HS3ST5: variants seen among roughly 807,000 people sequenced by gnomAD.
HS3ST5 encodes the protein heparan sulfate-glucosamine 3-sulfotransferase 5.
A neutral mutation model predicts 25.4 loss-of-function variants in HS3ST5; 10 were observed. That is an observed-to-expected ratio of 0.39 (90% CI 0.24 to 0.67). The LOEUF is 0.67. Ranked by LOEUF, HS3ST5 falls within the 30% of genes least tolerant of loss-of-function variation. The probability of loss-of-function intolerance (pLI) is 0.44; values close to 1 mark genes in which losing one functional copy is unlikely to be tolerated. For synonymous variants in HS3ST5, 170 were observed against 162.4 expected (o/e 1.05, Z -0.36); for missense variants, 324 against 420.7 (o/e 0.77, Z 2.01).
intron 2 of HS3ST5, among the ~76,000 whole-genome samples, chr6:114,171,482 A>G (rs1330442908): frequency 2.0e-5 from 3 of 152,248 alleles, no homozygotes; most frequent in Non-Finnish European, 4.4e-5. Flanking sequence ...ATGTCCTACA[A>G]TCCTTAGTGT....
At chr6:114,205,512 T>C (rs1781234605) in intron 2 of HS3ST5, among the ~76,000 whole-genome samples, 1 of 152,174 alleles carries the variant, frequency 6.6e-6, no homozygotes, top group South Asian at 2.1e-4. Flanking sequence ...TCTTGAAGTC[T>C]CAAAGTTTTT....
intron 3 of HS3ST5, among the ~76,000 whole-genome samples, chr6:114,080,273 A>T (rs1418784932): frequency 6.6e-6 from 1 of 152,194 alleles, no homozygotes; most frequent in East Asian, 1.9e-4. Context: ...GCCTTTTTAA[A>T]TAAACAGTAG....
intron 2 of HS3ST5, among the ~76,000 whole-genome samples, chr6:114,174,091 C>A (rs1239434858): frequency 6.6e-6 from 1 of 151,808 alleles, no homozygotes; most frequent in Non-Finnish European, 1.5e-5. Flanking sequence ...TTCATCTGTT[C>A]CCACTCTACC....
chr6:114,219,696 G>A (rs559857195), intron 2 of HS3ST5, among the ~76,000 whole-genome samples: 9 of 152,012 alleles, frequency 5.9e-5, no homozygotes, highest in South Asian at 4.1e-4. Flanking sequence ...TGCCTAATGC[G>A]AGAATGCTAA....
intron 1 of HS3ST5, among the ~76,000 whole-genome samples, chr6:114,258,442 A>C (rs1773027766): frequency 6.6e-6 from 1 of 152,200 alleles, no homozygotes. Flanking sequence ...CAGCATAGTG[A>C]CAAACACTAG....
At position 114,058,188 on chromosome 6, in the gene HS3ST5, A is replaced by T; in HGVS notation, c.110T>A (p.Leu37Gln). The change falls in exon 5 of 5, where the codon CTA becomes CAA. Residue 37 changes from leucine (L) to glutamine (Q), a missense_variant and splice_region_variant. Coordinates refer to ENST00000312719, the MANE Select transcript of HS3ST5 (RefSeq NM_153612.4). Reference sequence around the variant, plus strand: ...ACCTTCAATGGGGCAAATGGGTTGTAGCCTGCAAGCAAGACAGAGACACTT... The same window carrying T: ...ACCTTCAATGGGGCAAATGGGTTGTTGCCTGCAAGCAAGACAGAGACACTT... Reference protein sequence around the residue: ...LVARVGSLDRLQPICPIEGRL... With the variant: ...LVARVGSLDRQQPICPIEGRL... The T allele has an allele frequency of 6.3e-7, 1 of 1,597,792 alleles. No individual in the cohort carries two copies. The highest frequency in any genetic ancestry group is 8.6e-7 in the Non-Finnish European group (1 of 1,168,426).
rs527646640 is a variant in HS3ST5, at chr6:114,342,420, A to AGGCGGCGGC, written c.-573_-565dup. ...TAAGACGCGAGCGGGCCCCACACGC[A>AGGCGGCGGC]GGCGGCGGCGGCGGCGGCGGCGGCG... is the stretch of plus-strand genomic sequence containing the variant. On this transcript the variant is annotated 5_prime_UTR_variant, in exon 1 of 5. Transcript: ENST00000312719. 3.0e-3 allele frequency: 571 copies of AGGCGGCGGC among 191,432 alleles called. 9 individuals are homozygous for AGGCGGCGGC. Among genetic ancestry groups the AGGCGGCGGC allele is most frequent in the African/African-American group, 0.012 (506 of 41,304 alleles). 11.9% of individuals were successfully genotyped at this position (191,432 alleles called of 1,614,324 possible). A position where few individuals can be genotyped will look rare whatever the true frequency, so the allele number is the denominator to read the frequency against.
chr6:114,275,029 G>A (rs1773789354), intron 1 of HS3ST5, among the ~76,000 whole-genome samples: 1 of 151,942 alleles, frequency 6.6e-6, no homozygotes, highest in Non-Finnish European at 1.5e-5. Context: ...CTATACACCT[G>A]ACTATACACG....
chr6:114,230,869 C>T (rs1361016140), intron 1 of HS3ST5, among the ~76,000 whole-genome samples: 5 of 151,896 alleles, frequency 3.3e-5, no homozygotes, highest in African/African-American at 7.3e-5. Flanking sequence ...ATTACAGGCT[C>T]GAGCCACCGC....
intron 3 of HS3ST5, among the ~76,000 whole-genome samples, chr6:114,131,457 G>A (rs1359278829): frequency 3.3e-5 from 5 of 152,070 alleles, no homozygotes; most frequent in Non-Finnish European, 5.9e-5. Flanking sequence ...TTTTCACAGT[G>A]TAAAAATACA....
rs866683661 is a variant in HS3ST5 at position 114,259,303 on chromosome 6, T to G, written c.-338-30525A>C. Among the ~76,000 whole-genome samples the G allele has an allele frequency of 5.6e-5, 8 of 141,798 alleles. No homozygotes were observed. In the Middle Eastern group the frequency reaches 0.019, roughly 344 times the overall value. 93.0% of individuals were successfully genotyped at this position (141,798 alleles called of 152,430 possible). A position where few individuals can be genotyped will look rare whatever the true frequency, so the allele number is the denominator to read the frequency against. On this transcript the variant is annotated intron_variant, in intron 1 of 4. Transcript: ENST00000312719. ...TTTTTGTGTTCATAATTGATGACAC[T>G]GTTGCCTTTCCAACAATCTCTTCCT... is the stretch of plus-strand genomic sequence containing the variant.
At position 114,235,060 on chromosome 6, in the gene HS3ST5, T is replaced by C. The variant is rs1198647761; in HGVS notation, c.-338-6282A>G. 3.3e-5 allele frequency among the ~76,000 whole-genome samples: 5 copies of C among 151,882 alleles called. No homozygotes were observed. In the South Asian group the frequency reaches 6.2e-4, roughly 19 times the overall value. On this transcript the variant is annotated intron_variant, in intron 1 of 4. Transcript: ENST00000312719. ...ATCGCTTGAACCTGGGAGACGGAGG[T>C]TGCAGTGAGCTGAGACTGTGCCACT...
chr6:114,192,412 G>C (rs1423046189), intron 2 of HS3ST5, among the ~76,000 whole-genome samples: 1 of 152,288 alleles, frequency 6.6e-6, no homozygotes, highest in East Asian at 1.9e-4. Flanking sequence ...ACATTACAAA[G>C]CTGTTAAGAG....
intron 2 of HS3ST5, among the ~76,000 whole-genome samples, chr6:114,199,303 A>G (rs899929907): frequency 1.3e-5 from 2 of 152,212 alleles, no homozygotes; most frequent in African/African-American, 2.4e-5. Context: ...AGGATAATGT[A>G]CTGGAACAAA....
At chr6:114,301,650 C>G (rs1334276170) in intron 1 of HS3ST5, among the ~76,000 whole-genome samples, 2 of 152,138 alleles carry the variant, frequency 1.3e-5, no homozygotes, top group African/African-American at 4.8e-5. Flanking sequence ...CACTTCTCTA[C>G]CTGGGGCTGA....
intron 1 of HS3ST5, among the ~76,000 whole-genome samples, chr6:114,303,232 GA>G (rs1179838908): frequency 3.9e-5 from 6 of 151,966 alleles, no homozygotes; most frequent in Non-Finnish European, 7.4e-5. Flanking sequence ...GATTCCCAAA[GA>G]TTTTTTTGTG....
intron 1 of HS3ST5, among the ~76,000 whole-genome samples, chr6:114,243,208 C>T (rs887665337): frequency 1.3e-5 from 2 of 152,216 alleles, no homozygotes. Flanking sequence ...AAGTGGCCCA[C>T]AGACCCATGA....
At chr6:114,114,467 G>C (rs1264331958) in intron 3 of HS3ST5, among the ~76,000 whole-genome samples, 4 of 152,126 alleles carry the variant, frequency 2.6e-5, no homozygotes, top group Non-Finnish European at 5.9e-5. Context: ...AGCTACTGAA[G>C]ATCCAATAGG....
At chr6:114,134,523 G>A (rs1433405631) in intron 3 of HS3ST5, among the ~76,000 whole-genome samples, 1 of 152,186 alleles carries the variant, frequency 6.6e-6, no homozygotes, top group South Asian at 2.1e-4. Flanking sequence ...CAGGAAGCAG[G>A]ACCTGCAGTG....
Sources: allele counts gnomAD v4.1 joint callset (sites outside exome capture counted in the v4.1 genomes callset), GRCh38; gene constraint gnomAD v4.1.1; transcripts MANE v1.5; gene names NCBI Gene and HGNC (gene_info 2026-07-23, HGNC 2026-07-21).